ANO3: variants seen among roughly 807,000 people sequenced by gnomAD.
ANO3 encodes anoctamin 3.
Under a neutral mutation model 144.8 loss-of-function variants are expected in ANO3, and 99 were observed. The observed-to-expected ratio is 0.68, with a 90% CI of 0.58 to 0.81. The LOEUF is 0.81. ANO3 is among the 30% of genes least tolerant of loss of function. ANO3 has a pLI of 0.00. For synonymous variants in ANO3, 414 were observed against 392.6 expected (o/e 1.05, Z -0.64); for missense variants, 905 against 1,202.2 (o/e 0.75, Z 3.66).
intron 14 of ANO3, among the ~76,000 whole-genome samples, chr11:26,577,578 A>G (rs1186852360): frequency 6.6e-6 from 1 of 151,880 alleles, no homozygotes; most frequent in Non-Finnish European, 1.5e-5. Context: ...AAAAAAAAAA[A>G]AAGAGAGAGA....
At chr11:26,613,318 G>A (rs1169871410) in intron 17 of ANO3, among the ~76,000 whole-genome samples, 1 of 152,018 alleles carries the variant, frequency 6.6e-6, no homozygotes, top group Non-Finnish European at 1.5e-5. Context: ...GAATTATTCA[G>A]CTTCAAGATT....
chr11:26,297,734 A>G (rs982847925), intron 1 of ANO3, among the ~76,000 whole-genome samples: 2 of 152,192 alleles, frequency 1.3e-5, no homozygotes, highest in African/African-American at 4.8e-5. Flanking sequence ...CTGAGTACCC[A>G]TCTGTACCAA....
intron 1 of ANO3, among the ~76,000 whole-genome samples, chr11:26,284,892 G>T (rs866730795): frequency 6.6e-6 from 1 of 152,186 alleles, no homozygotes; most frequent in Non-Finnish European, 1.5e-5. Context: ...GCGACAGAGC[G>T]AGACTCCGTC....
intron 4 of ANO3, among the ~76,000 whole-genome samples, chr11:26,480,414 T>TTTTG (rs761385567): frequency 2.6e-5 from 4 of 152,204 alleles, no homozygotes; most frequent in African/African-American, 7.2e-5. Context: ...TGCCAGTTTT[T>TTTTG]TTTGTTTGTT....
intron 7 of ANO3, among the ~76,000 whole-genome samples, chr11:26,529,761 C>T (rs1849317672): frequency 6.6e-6 from 1 of 151,830 alleles, no homozygotes; most frequent in Non-Finnish European, 1.5e-5. Context: ...TTTAGACTTT[C>T]AGAGTCCATC....
chr11:26,657,063 C>T (rs1179056775), intron 26 of ANO3, among the ~76,000 whole-genome samples: 1 of 152,102 alleles, frequency 6.6e-6, no homozygotes, highest in Non-Finnish European at 1.5e-5. Context: ...TATTTCAATA[C>T]AGTGAATAAT....
intron 1 of ANO3, among the ~76,000 whole-genome samples, chr11:26,369,863 A>C (rs572857677): frequency 1.1e-4 from 17 of 152,328 alleles, no homozygotes; most frequent in Admixed American, 1.0e-3. Context: ...GGATACTCAA[A>C]GATGTTCAAT....
At chr11:26,227,345 T>C (rs1156861353) in intron 1 of ANO3, among the ~76,000 whole-genome samples, 1 of 152,204 alleles carries the variant, frequency 6.6e-6, no homozygotes, top group Admixed American at 6.5e-5. Flanking sequence ...ATCAGACATC[T>C]GCCTCCATTT....
intron 1 of ANO3, among the ~76,000 whole-genome samples, chr11:26,378,573 C>A (rs919119561): frequency 2.6e-5 from 4 of 151,410 alleles, no homozygotes; most frequent in Non-Finnish European, 4.4e-5. Context: ...AATGAGAAAA[C>A]AAAATGGTAA....
intron 6 of ANO3, among the ~76,000 whole-genome samples, chr11:26,522,943 G>A (rs368786): frequency 0.79 from 120,870 of 152,048 alleles, 48,210 homozygotes; most frequent in East Asian, 0.85. Context: ...GTAGCCCTAT[G>A]TTAGTCCGTT....
At position 26,377,189 on chromosome 11, in the gene ANO3, C is replaced by T. The variant is rs1360136475; in HGVS notation, c.46+44868C>T. Among the ~76,000 whole-genome samples, 4 of 152,030 alleles carry T rather than the reference C, an allele frequency of 2.6e-5. No homozygotes were observed. In the East Asian group the frequency reaches 7.7e-4, roughly 29 times the overall value. On this transcript the variant is annotated intron_variant, in intron 1 of 26. Coordinates refer to ENST00000256737, the MANE Select transcript of ANO3 (RefSeq NM_031418.4). ...AAAATAACTTGAATATTCAAAAGTT[C>T]CTCATTTCCACAAATAACAATACAC...
intron 7 of ANO3, among the ~76,000 whole-genome samples, chr11:26,526,585 A>T (rs971088559): frequency 1.3e-5 from 2 of 152,170 alleles, no homozygotes; most frequent in African/African-American, 4.8e-5. Flanking sequence ...TTTACCAAAT[A>T]AAATTGAATG....
At chr11:26,618,226 T>A (rs1852315625) in intron 17 of ANO3, among the ~76,000 whole-genome samples, 2 of 152,288 alleles carry the variant, frequency 1.3e-5, no homozygotes, top group South Asian at 4.1e-4. Flanking sequence ...CAGACCTTTT[T>A]TTTTTGGTTA....
At chr11:26,589,905 T>A (rs1851394677) in intron 14 of ANO3, among the ~76,000 whole-genome samples, 1 of 152,192 alleles carries the variant, frequency 6.6e-6, no homozygotes, top group Admixed American at 6.5e-5. Flanking sequence ...ACCAGTTGCT[T>A]CAACATTTGG....
intron 1 of ANO3, among the ~76,000 whole-genome samples, chr11:26,344,233 TCTTTA>T (rs1398239917): frequency 6.6e-6 from 1 of 152,162 alleles, no homozygotes; most frequent in Non-Finnish European, 1.5e-5. Context: ...TGAAATTACA[TCTTTA>T]CTTTCACCAT....
At chr11:26,371,464 G>A (rs1037245823) in intron 1 of ANO3, among the ~76,000 whole-genome samples, 3 of 152,206 alleles carry the variant, frequency 2.0e-5, no homozygotes, top group Non-Finnish European at 4.4e-5. Flanking sequence ...AGTCCCACTG[G>A]GGAAAGCCTA....
intron 1 of ANO3, among the ~76,000 whole-genome samples, chr11:26,314,518 A>T (rs567958887): frequency 2.8e-4 from 42 of 152,142 alleles, no homozygotes; most frequent in Non-Finnish European, 4.7e-4. Flanking sequence ...ATTGGCGAGG[A>T]TGCTGTGGAG....
chr11:26,474,901 T>C (rs543209929), intron 4 of ANO3, among the ~76,000 whole-genome samples: 3 of 151,864 alleles, frequency 2.0e-5, no homozygotes, highest in Non-Finnish European at 4.4e-5. Flanking sequence ...TCTACTCAAA[T>C]GTATTCTCTG....
chr11:26,475,494 G>A (rs765434739), intron 4 of ANO3, among the ~76,000 whole-genome samples: 9 of 151,904 alleles, frequency 5.9e-5, no homozygotes, highest in Non-Finnish European at 1.0e-4. Flanking sequence ...TAATCACAGA[G>A]AAATAGAGTC....
Sources: allele counts gnomAD v4.1 joint callset (sites outside exome capture counted in the v4.1 genomes callset), GRCh38; gene constraint gnomAD v4.1.1; transcripts MANE v1.5; gene names NCBI Gene and HGNC (gene_info 2026-07-23, HGNC 2026-07-21).